ATXN1: variants seen among roughly 807,000 people sequenced by gnomAD.
ATXN1 encodes ataxin 1.
ATXN1 carries 8 observed loss-of-function variants against 56.4 expected under a neutral mutation model. That is an observed-to-expected ratio of 0.14 (90% CI 0.08 to 0.26). The LOEUF (loss-of-function observed/expected upper bound fraction) is 0.26, where lower values mean the gene tolerates loss of function less well. Among genes scored for constraint, ATXN1 ranks in the 10% least tolerant of loss-of-function variants. ATXN1 has a pLI of 1.00. For synonymous variants in ATXN1, 514 were observed against 494.6 expected, an observed-to-expected ratio of 1.04 and a Z score of -0.52; for missense variants, 987 against 1,106.5, an observed-to-expected ratio of 0.89 and a Z score of 1.53.
Position 16,753,426 on chromosome 6 carries a change from T to G in ATXN1, c.-729-79A>C, listed in dbSNP as rs1300186480. The G allele has an allele frequency of 2.0e-5, 9 of 447,674 alleles. No individual in the cohort carries two copies. The East Asian group carries it at 6.3e-4, about 31-fold the overall frequency. 27.7% of individuals were successfully genotyped at this position (447,674 alleles called of 1,614,324 possible). A position where few individuals can be genotyped will look rare whatever the true frequency, so the allele number is the denominator to read the frequency against. On this transcript the variant is annotated intron_variant, in intron 1 of 7. Coordinates refer to ENST00000436367, the MANE Select transcript of ATXN1 (RefSeq NM_001128164.2). ...GACTGCTTTAAAAAATAAGTCCACC[T>G]TAAGTGTCTATGCACCGAAATACAA...
intron 3 of ATXN1, among the ~76,000 whole-genome samples, chr6:16,629,798 T>C (rs1763472796): frequency 6.6e-6 from 1 of 151,132 alleles, no homozygotes; most frequent in African/African-American, 2.4e-5. Context: ...GCGCCTGTAA[T>C]CCCAGCTACT....
In ATXN1 at chr6:16,364,924, G is replaced by A. The variant is rs868832712; in HGVS notation, c.-160-36454C>T. 2.2e-4 allele frequency among the ~76,000 whole-genome samples: 33 copies of A among 152,318 alleles called. 1 individual carries two copies. Among genetic ancestry groups the A allele is most frequent in the Admixed American group, 4.6e-4 (7 of 15,306 alleles). On this transcript the variant is annotated intron_variant, in intron 6 of 7. Transcript: ENST00000436367. ...CAAGGGGCTAACAGGGAAATGAGTGGTGACTACAGCTAAAAGGCAGTTGCT... is the reference window on the plus strand; with the variant it reads ...CAAGGGGCTAACAGGGAAATGAGTGATGACTACAGCTAAAAGGCAGTTGCT...
chr6:16,348,255 G>T (rs772553311), intron 6 of ATXN1, among the ~76,000 whole-genome samples: 8 of 152,214 alleles, frequency 5.3e-5, no homozygotes, highest in African/African-American at 1.9e-4. Context: ...TATTCAGATA[G>T]GGTTTCATCA....
rs575974406 is a variant in ATXN1 at position 16,683,346 on chromosome 6, G to C, written c.-614-25445C>G. Among the ~76,000 whole-genome samples the C allele has an allele frequency of 7.9e-5, 12 of 152,310 alleles. No homozygotes were observed. The South Asian group carries it at 2.5e-3, about 32-fold the overall frequency. On this transcript the variant is annotated intron_variant, in intron 2 of 7. Coordinates refer to ENST00000436367, the MANE Select transcript of ATXN1 (RefSeq NM_001128164.2). ...AGCCCTGAGCTTCTCCATGGACAGT[G>C]TTCCAAAACTAACTGTGGCTGTTAG...
intron 6 of ATXN1, among the ~76,000 whole-genome samples, chr6:16,442,841 G>A (rs1373038109): frequency 1.3e-5 from 2 of 151,942 alleles, no homozygotes; most frequent in African/African-American, 2.4e-5. Context: ...GCAAAACCCC[G>A]TCTCTACCAA....
At chr6:16,514,297 A>G (rs1761137325) in intron 5 of ATXN1, among the ~76,000 whole-genome samples, 2 of 152,142 alleles carry the variant, frequency 1.3e-5, no homozygotes, top group African/African-American at 4.8e-5. Context: ...AAAGAAAAAC[A>G]AAAAAAGACT....
At chr6:16,580,601 T>C (rs1762511235) in intron 4 of ATXN1, among the ~76,000 whole-genome samples, 1 of 152,224 alleles carries the variant, frequency 6.6e-6, no homozygotes, top group Non-Finnish European at 1.5e-5. Flanking sequence ...GTCTACCTTA[T>C]TTCATGAGAG....
intron 4 of ATXN1, among the ~76,000 whole-genome samples, chr6:16,531,548 GGGATGT>G (rs1300778610): frequency 6.6e-6 from 1 of 151,752 alleles, no homozygotes; most frequent in Non-Finnish European, 1.5e-5. Context: ...GCTTGAACCT[GGGATGT>G]GGAGGTTGCA....
intron 2 of ATXN1, among the ~76,000 whole-genome samples, chr6:16,715,891 AG>A (rs1343398421): frequency 1.3e-5 from 2 of 152,300 alleles, no homozygotes; most frequent in Admixed American, 6.5e-5. Flanking sequence ...CCCTACCTCT[AG>A]TTGTGTTAGA....
chr6:16,708,786 G>T (rs1331656046), intron 2 of ATXN1, among the ~76,000 whole-genome samples: 2 of 152,182 alleles, frequency 1.3e-5, no homozygotes, highest in African/African-American at 4.8e-5. Context: ...AGCACTTTGG[G>T]AGGCCAAGGC....
chr6:16,322,567 T>C lies in ATXN1; in HGVS notation c.1917+3827A>G, dbSNP rs192540290. On this transcript the variant is annotated intron_variant, in intron 7 of 7. Coordinates refer to ENST00000436367, the MANE Select transcript of ATXN1 (RefSeq NM_001128164.2). Reference sequence around the variant, plus strand: ...CTTATTAAGCTCAACAATTTGCACATTTCTGAATTTCTCTGTGGGTGCAGT... The same window carrying C: ...CTTATTAAGCTCAACAATTTGCACACTTCTGAATTTCTCTGTGGGTGCAGT... Among the ~76,000 whole-genome samples the C allele has an allele frequency of 2.2e-3, 342 of 152,336 alleles. 1 individual carries two copies. The highest frequency in any genetic ancestry group is 7.8e-3 in the African/African-American group (324 of 41,582).
At chr6:16,402,643 C>G (rs1316236431) in intron 6 of ATXN1, among the ~76,000 whole-genome samples, 1 of 152,160 alleles carries the variant, frequency 6.6e-6, no homozygotes, top group Non-Finnish European at 1.5e-5. Context: ...TTCCTCCTTT[C>G]AAGGGAGGAT....
intron 2 of ATXN1, among the ~76,000 whole-genome samples, chr6:16,751,829 T>C (rs1338921844): frequency 6.6e-6 from 1 of 152,218 alleles, no homozygotes; most frequent in Non-Finnish European, 1.5e-5. Context: ...AGTTACTTGA[T>C]AGCATCTGTT....
chr6:16,540,700 A>G (rs1450003227), intron 4 of ATXN1, among the ~76,000 whole-genome samples: 1 of 152,236 alleles, frequency 6.6e-6, no homozygotes, highest in Non-Finnish European at 1.5e-5. Flanking sequence ...GGTTAAGAAC[A>G]GCAATATTAC....
intron 4 of ATXN1, among the ~76,000 whole-genome samples, chr6:16,524,120 G>A (rs866626116): frequency 1.4e-4 from 21 of 152,134 alleles, no homozygotes; most frequent in Middle Eastern, 3.2e-3. Flanking sequence ...CCGGCCACCA[G>A]GGCAGGATAG....
chr6:16,647,089 C>G (rs1469583521), intron 3 of ATXN1, among the ~76,000 whole-genome samples: 1 of 152,138 alleles, frequency 6.6e-6, no homozygotes, highest in Non-Finnish European at 1.5e-5. Context: ...ACTGCAACCT[C>G]CACCTCCCAG....
intron 6 of ATXN1, among the ~76,000 whole-genome samples, chr6:16,413,431 A>G (rs1758842824): frequency 6.6e-6 from 1 of 152,076 alleles, no homozygotes; most frequent in Non-Finnish European, 1.5e-5. Flanking sequence ...GGCTTGTGCT[A>G]TAAACATCCA....
At chr6:16,329,718 C>T (rs775963817) in intron 6 of ATXN1, among the ~76,000 whole-genome samples, 5 of 152,178 alleles carry the variant, frequency 3.3e-5, no homozygotes, top group Non-Finnish European at 5.9e-5. Context: ...ACACTAGAGA[C>T]GACAGCTCTT....
At chr6:16,678,079 G>C (rs3812193) in intron 2 of ATXN1, among the ~76,000 whole-genome samples, 124,458 of 152,202 alleles carry the variant, frequency 0.82, 51,070 homozygotes, top group African/African-American at 0.85. Context: ...ATTTTACCAA[G>C]AGCAAAAAGA....
Sources: allele counts gnomAD v4.1 joint callset (sites outside exome capture counted in the v4.1 genomes callset), GRCh38; gene constraint gnomAD v4.1.1; transcripts MANE v1.5; gene names NCBI Gene and HGNC (gene_info 2026-07-23, HGNC 2026-07-21).